The following TLK1 variants were observed in gnomAD, a reference collection of about 807,000 sequenced individuals.
The protein encoded by TLK1 is tousled like kinase 1, also known as serine/threonine-protein kinase tousled-like 1.
Under a neutral mutation model 105.3 loss-of-function variants are expected in TLK1, and 24 were observed. The observed-to-expected ratio is 0.23, with a 90% CI of 0.17 to 0.32. The LOEUF (loss-of-function observed/expected upper bound fraction) is 0.32, where lower values mean the gene tolerates loss of function less well. Ranked by LOEUF, TLK1 falls within the 10% of genes least tolerant of loss-of-function variation. The pLI, the probability that TLK1 is intolerant of heterozygous loss-of-function variation, is 1.00. For missense variants in TLK1, 558 were observed against 910.5 expected (o/e 0.61, Z 4.98); for synonymous variants, 321 against 310.4 (o/e 1.03, Z -0.36).
intron 1 of TLK1, among the ~76,000 whole-genome samples, chr2:171,139,576 AGAGT>A (rs1273263157): frequency 2.0e-5 from 3 of 152,186 alleles, no homozygotes; most frequent in Non-Finnish European, 4.4e-5. Flanking sequence ...CCTGGGCAAC[AGAGT>A]GAGACTCTGT....
intron 2 of TLK1, among the ~76,000 whole-genome samples, chr2:171,115,297 G>C (rs74751472): frequency 6.7e-6 from 1 of 150,258 alleles, no homozygotes; most frequent in Admixed American, 6.7e-5. Flanking sequence ...TCAGCCTCCC[G>C]AGTAGCTAGG....
intron 1 of TLK1, among the ~76,000 whole-genome samples, chr2:171,225,441 G>T (rs1334089779): frequency 6.6e-6 from 1 of 152,056 alleles, no homozygotes; most frequent in Non-Finnish European, 1.5e-5. Flanking sequence ...CCACCAGGAT[G>T]ACTATAAGGG....
At chr2:171,081,298 G>GTGA (rs2105475640) in intron 3 of TLK1, among the ~76,000 whole-genome samples, 1 of 152,198 alleles carries the variant, frequency 6.6e-6, no homozygotes, top group South Asian at 2.1e-4. Flanking sequence ...ACTGTGATAA[G>GTGA]TGATCTAACT....
At chr2:171,058,923 A>G (rs1015762593) in intron 4 of TLK1, among the ~76,000 whole-genome samples, 4 of 152,192 alleles carry the variant, frequency 2.6e-5, no homozygotes, top group African/African-American at 4.8e-5. Context: ...AAACATACAT[A>G]TATTTGTTAA....
intron 12 of TLK1, among the ~76,000 whole-genome samples, chr2:171,018,245 G>A (rs977080753): frequency 6.6e-6 from 1 of 152,188 alleles, no homozygotes; most frequent in African/African-American, 2.4e-5. Context: ...GTGGCTATCT[G>A]CAAGCCAGCA....
intron 1 of TLK1, among the ~76,000 whole-genome samples, chr2:171,200,603 G>C (rs751330260): frequency 6.6e-6 from 1 of 152,096 alleles, no homozygotes; most frequent in Non-Finnish European, 1.5e-5. Context: ...AATACCATTT[G>C]CTCATGAGAA....
At chr2:171,006,020 C>T (rs1490236297) in intron 18 of TLK1, 127 bp downstream of exon 18, 25 of 951,794 alleles carry the variant, frequency 2.6e-5, no homozygotes, top group African/African-American at 3.4e-5. Context: ...CAACTGAGAG[C>T]TTAATATCAG....
At chr2:171,059,143 G>T (rs1217759931) in intron 4 of TLK1, among the ~76,000 whole-genome samples, 1 of 152,178 alleles carries the variant, frequency 6.6e-6, no homozygotes, top group Non-Finnish European at 1.5e-5. Flanking sequence ...TTGAACATTA[G>T]TTCTGCACAG....
chr2:171,171,914 C>T (rs1398301643), intron 1 of TLK1, among the ~76,000 whole-genome samples: 1 of 152,126 alleles, frequency 6.6e-6, no homozygotes, highest in Non-Finnish European at 1.5e-5. Context: ...AATTTCATTC[C>T]TAGGTATATA....
At chr2:171,210,284 T>A (rs1051423777) in intron 1 of TLK1, among the ~76,000 whole-genome samples, 26 of 152,148 alleles carry the variant, frequency 1.7e-4, no homozygotes, top group East Asian at 1.3e-3. Context: ...TATTATTTTT[T>A]TTTTTTATAG....
At chr2:171,081,534 C>A in intron 3 of TLK1, 1 of 605,122 alleles carries the variant, frequency 1.7e-6, no homozygotes, top group Non-Finnish European at 2.4e-6. Flanking sequence ...TTTTAAAAAA[C>A]TTTGACTAGA....
intron 8 of TLK1, among the ~76,000 whole-genome samples, chr2:171,051,007 C>T (rs1687211563): frequency 6.6e-6 from 1 of 152,188 alleles, no homozygotes; most frequent in African/African-American, 2.4e-5. Context: ...GGCACAAAAT[C>T]TTAAAAGTGC....
intron 1 of TLK1, among the ~76,000 whole-genome samples, chr2:171,140,130 A>G (rs1691511776): frequency 1.3e-5 from 2 of 152,204 alleles, no homozygotes; most frequent in African/African-American, 2.4e-5. Context: ...TAATTTAAAC[A>G]AAAGGAAGAT....
At chr2:171,016,059 C>T (rs1172298079) in intron 12 of TLK1, among the ~76,000 whole-genome samples, 1 of 152,052 alleles carries the variant, frequency 6.6e-6, no homozygotes, top group East Asian at 1.9e-4. Context: ...GCCTGGGCAA[C>T]AAGAGGGAAA....
intron 2 of TLK1, among the ~76,000 whole-genome samples, chr2:171,099,249 C>T (rs922745992): frequency 1.3e-5 from 2 of 152,012 alleles, no homozygotes; most frequent in African/African-American, 4.8e-5. Context: ...ATTAAGAAAA[C>T]TTCATTTACA....
chr2:171,177,197 C>T (rs926092857), intron 1 of TLK1, among the ~76,000 whole-genome samples: 7 of 151,524 alleles, frequency 4.6e-5, no homozygotes, highest in African/African-American at 1.7e-4. Context: ...GCTGGAGTGC[C>T]GTGGCCCGAT....
intron 1 of TLK1, among the ~76,000 whole-genome samples, chr2:171,126,249 T>G (rs1269480208): frequency 6.6e-6 from 1 of 152,174 alleles, no homozygotes; most frequent in Non-Finnish European, 1.5e-5. Context: ...ATCAATCACA[T>G]TCAATATGAT....
At chr2:171,069,301 T>C (rs756467409) in intron 3 of TLK1, among the ~76,000 whole-genome samples, 3 of 152,212 alleles carry the variant, frequency 2.0e-5, no homozygotes, top group Non-Finnish European at 2.9e-5. Flanking sequence ...TGTATCTGTG[T>C]GACTATGGAC....
At chr2:171,000,148 C>A (rs1024872640) in intron 18 of TLK1, among the ~76,000 whole-genome samples, 1 of 151,972 alleles carries the variant, frequency 6.6e-6, no homozygotes, top group African/African-American at 2.4e-5. Context: ...GAGGCCGAGA[C>A]GGGTAGAACA....
Sources: gnomAD v4.1 joint callset for allele counts (sites outside exome capture counted in the v4.1 genomes callset) on GRCh38, gnomAD v4.1.1 for gene constraint, MANE v1.5 for transcripts, NCBI Gene and HGNC (gene_info 2026-07-23, HGNC 2026-07-21) for gene names.